LRTM1: variants seen among roughly 807,000 people sequenced by gnomAD.
LRTM1 encodes the protein leucine rich repeat transmembrane protein 1.
LRTM1 carries 38 observed loss-of-function variants against 32.4 expected under a neutral mutation model. The ratio of observed to expected loss-of-function variants is 1.17; its 90% CI spans 0.91 to 1.54. The LOEUF is 1.54. Ranked by LOEUF, LRTM1 falls within the 40% of genes most tolerant of loss-of-function variation. The pLI is 0.00. For missense variants in LRTM1, 466 were observed against 415.4 expected, an observed-to-expected ratio of 1.12 and a Z score of -1.06; for synonymous variants, 186 against 169.9, an observed-to-expected ratio of 1.09 and a Z score of -0.74.
At chr3:54,944,912 C>G (rs554979442) in intron 1 of LRTM1, among the ~76,000 whole-genome samples, 2 of 152,174 alleles carry the variant, frequency 1.3e-5, no homozygotes, top group East Asian at 1.9e-4. Context: ...GGTGAAGGCT[C>G]TCCCCAAATA....
In LRTM1 at chr3:54,924,862, G is replaced by A. The variant is rs1700964857; in HGVS notation, c.361C>T (p.Leu121Phe). ...AAATCAAGCTCCCTCAGCTGAGGGA[G>A]GGAATGGAAAAGTCTGCTTTCCAGG... ...LSLESRLFHS[L>F]PQLRELDLSS... is the part of the protein sequence containing the mutation. Residue 121 changes from leucine to phenylalanine, a missense_variant, in exon 2 of 3, where the codon CTC becomes TTC. By Grantham distance (22) the Leu-to-Phe change is conservative (BLOSUM62 0). Transcript: ENST00000273286. 1 of 1,613,906 alleles carries A rather than the reference G, an allele frequency of 6.2e-7. No individual in the cohort carries two copies. Among genetic ancestry groups the A allele is most frequent in the Non-Finnish European group, 8.5e-7 (1 of 1,179,868 alleles).
At chr3:54,934,621 C>G (rs1431972551) in intron 1 of LRTM1, among the ~76,000 whole-genome samples, 1 of 152,166 alleles carries the variant, frequency 6.6e-6, no homozygotes, top group Non-Finnish European at 1.5e-5. Flanking sequence ...TTTTCAGCAT[C>G]CACGTGTCCA....
At chr3:54,931,661 G>A (rs1701194941), upstream of LRTM1, among the ~76,000 whole-genome samples, 1 of 152,172 alleles carries the variant, frequency 6.6e-6, no homozygotes, top group Admixed American at 6.5e-5. Flanking sequence ...CACCCGTAGA[G>A]TAAAATTGTG....
chr3:54,953,879 T>A (rs1313092536), intron 1 of LRTM1, among the ~76,000 whole-genome samples: 1 of 152,042 alleles, frequency 6.6e-6, no homozygotes, highest in Non-Finnish European at 1.5e-5. Flanking sequence ...GGACTTGGAG[T>A]CTGAGTAGCC....
chr3:54,939,448 C>A (rs1701408215), intron 1 of LRTM1, among the ~76,000 whole-genome samples: 2 of 152,152 alleles, frequency 1.3e-5, no homozygotes, highest in African/African-American at 4.8e-5. Flanking sequence ...TGGAGAAATG[C>A]AAAAGAAGGG....
chr3:54,964,453 A>T (rs1702098454), intron 1 of LRTM1, among the ~76,000 whole-genome samples: 2 of 152,190 alleles, frequency 1.3e-5, no homozygotes, highest in Admixed American at 1.3e-4. Context: ...AGTTTCACAA[A>T]AGCATTTGCT....
At chr3:54,922,595 A>G (rs1376370821) in intron 2 of LRTM1, among the ~76,000 whole-genome samples, 5 of 152,148 alleles carry the variant, frequency 3.3e-5, no homozygotes, top group East Asian at 1.9e-4. Context: ...GTTTTAACCC[A>G]TGTTGTATTC....
intron 1 of LRTM1, among the ~76,000 whole-genome samples, chr3:54,963,306 T>C (rs12498130): frequency 0.4 from 60,071 of 151,920 alleles, 13,574 homozygotes; most frequent in East Asian, 0.56. Flanking sequence ...TGGAGAATTG[T>C]ACCTTCCATC....
intron 1 of LRTM1, among the ~76,000 whole-genome samples, chr3:54,962,564 T>G (rs1702055547): frequency 6.6e-6 from 1 of 152,206 alleles, no homozygotes; most frequent in African/African-American, 2.4e-5. Context: ...CCCACAAAAA[T>G]TCTGTTCAGA....
upstream of LRTM1, among the ~76,000 whole-genome samples, chr3:54,933,057 CT>C (rs1162782087): frequency 6.8e-4 from 5 of 7,374 alleles, no homozygotes; most frequent in Non-Finnish European, 1.1e-3. Context: ...CCCTCCCTTC[CT>C]TCCTTCCTTC....
intron 1 of LRTM1, among the ~76,000 whole-genome samples, chr3:54,941,478 GT>G (rs1057368762): frequency 1.3e-5 from 2 of 152,086 alleles, no homozygotes; most frequent in African/African-American, 2.4e-5. Context: ...TTCATCTGTC[GT>G]TTTCCCCCTC....
rs778165020 is a variant in LRTM1 at position 54,924,721 on chromosome 3, A to G, written c.502T>C (p.Ser168Pro). ...AGTAAAAGCCTCACACTGGGCATGG[A>G]TTCCAGGAGCGCTCGATCAAGCTGC... is the stretch of plus-strand genomic sequence containing the variant. ...LQQLDRALLE[S>P]MPSVRLLLLK... Residue 168 changes from serine (S) to proline (P), a missense_variant, in exon 2 of 3, where the codon TCC becomes CCC. Physicochemically the swap from Ser to Pro is moderately conservative, Grantham distance 74. Coordinates refer to ENST00000273286, the MANE Select transcript of LRTM1 (RefSeq NM_020678.4). The G allele has an allele frequency of 3.7e-6, 6 of 1,614,146 alleles. No individual in the cohort carries two copies. Among genetic ancestry groups the G allele is most frequent in the Admixed American group, 1.7e-5 (1 of 60,016 alleles).
At chr3:54,925,475 C>A (rs1344448460) in intron 1 of LRTM1, among the ~76,000 whole-genome samples, 1 of 152,000 alleles carries the variant, frequency 6.6e-6, no homozygotes, top group Non-Finnish European at 1.5e-5. Flanking sequence ...TCTTCTGATT[C>A]GGAAGATGGA....
At chr3:54,954,351 T>G (rs1327964058) in intron 1 of LRTM1, among the ~76,000 whole-genome samples, 1 of 152,196 alleles carries the variant, frequency 6.6e-6, no homozygotes, top group African/African-American at 2.4e-5. Flanking sequence ...CTGTCTCCTT[T>G]CTGGCAGTAG....
upstream of LRTM1, chr3:54,928,081 AT>A (rs1305014368): frequency 4.5e-5 from 29 of 645,728 alleles, no homozygotes; most frequent in Admixed American, 6.9e-4. Flanking sequence ...TCAAAAGACC[AT>A]TTATTTAAGC....
intron 1 of LRTM1, among the ~76,000 whole-genome samples, chr3:54,961,354 G>A (rs1034248728): frequency 6.6e-6 from 1 of 152,154 alleles, no homozygotes; most frequent in Non-Finnish European, 1.5e-5. Context: ...GTACAATTTG[G>A]GTTTTGGGAA....
intron 1 of LRTM1, among the ~76,000 whole-genome samples, chr3:54,958,450 G>A (rs1360771958): frequency 1.3e-5 from 2 of 152,188 alleles, no homozygotes; most frequent in Non-Finnish European, 2.9e-5. Flanking sequence ...AGCAGTAAGG[G>A]AGAATACAAC....
chr3:54,933,454 T>G (rs1334075033), intron 1 of LRTM1, among the ~76,000 whole-genome samples: 1 of 152,176 alleles, frequency 6.6e-6, no homozygotes, highest in African/African-American at 2.4e-5. Context: ...TCTCCATCAG[T>G]TGGAAAAGGT....
At chr3:54,930,638 C>A (rs74425189), upstream of LRTM1, among the ~76,000 whole-genome samples, 4,819 of 152,328 alleles carry the variant, frequency 0.032, 216 homozygotes, top group African/African-American at 0.11. Flanking sequence ...AGCACACTTT[C>A]ATGCTGCTTA....
Sources: allele counts gnomAD v4.1 joint callset (sites outside exome capture counted in the v4.1 genomes callset), GRCh38; gene constraint gnomAD v4.1.1; transcripts MANE v1.5; gene names NCBI Gene and HGNC (gene_info 2026-07-23, HGNC 2026-07-21).